Variants in RANBP2 observed in about 807,000 individuals in gnomAD.
RANBP2 encodes the protein E3 SUMO-protein ligase RanBP2.
In RANBP2, 57 loss-of-function variants were observed where a neutral mutation model predicts 303.6. The observed-to-expected ratio is 0.19, with a 90% CI of 0.15 to 0.23. RANBP2 has a LOEUF of 0.23. RANBP2 is among the 10% of genes least tolerant of loss of function. The pLI is 1.00. For missense variants in RANBP2, 3,138 were observed against 3,780.8 expected, an observed-to-expected ratio of 0.83 and a Z score of 4.46; for synonymous variants, 1,167 against 1,301.5, an observed-to-expected ratio of 0.90 and a Z score of 2.23.
the RANBP2 span, among the ~76,000 whole-genome samples, chr2:109,364,419 T>C: frequency 7.9e-5 from 12 of 152,238 alleles, no homozygotes; most frequent in Non-Finnish European, 1.6e-4. Context: ...TGAATCATAG[T>C]TGTTTTGTAT....
At chr2:109,296,924 C>T in the RANBP2 span, among the ~76,000 whole-genome samples, 1 of 152,068 alleles carries the variant, frequency 6.6e-6, no homozygotes, top group African/African-American at 2.4e-5. Flanking sequence ...GATTGGGCTG[C>T]AGTGTGGATT....
At chr2:109,261,509 C>CT in the RANBP2 span, among the ~76,000 whole-genome samples, 7 of 152,136 alleles carry the variant, frequency 4.6e-5, no homozygotes, top group Non-Finnish European at 8.8e-5. Context: ...AGCCTCCCAC[C>CT]TGTGTGTGCA....
chr2:108,772,359 G>T (rs1450261181), intron 21 of RANBP2, 130 bp from the exon 22 acceptor site: 2 of 675,598 alleles, frequency 3.0e-6, no homozygotes, highest in African/African-American at 3.6e-5. Context: ...AGAAAGAGAG[G>T]TATTAAAGAT....
Position 108,767,409 on chromosome 2 carries a change from A to C in RANBP2, c.6870A>C (p.Ser2290=). ...CCAAGTTGAATCAGAGTGGGACTTC[A>C]GTTGGCACTGATGAAGAATCTGATG... ...SPAKLNQSGT[S]VGTDEESDVT... is the part of the protein sequence containing the mutation. Residue 2290 remains serine, a synonymous_variant, in exon 20 of 29, where the codon TCA becomes TCC. Transcript: ENST00000283195. The C allele has an allele frequency of 6.2e-7, 1 of 1,612,004 alleles. No individual in the cohort carries two copies. Among genetic ancestry groups the C allele is most frequent in the Non-Finnish European group, 8.5e-7 (1 of 1,179,854 alleles).
the RANBP2 span, among the ~76,000 whole-genome samples, chr2:109,554,061 T>G: frequency 1.3e-5 from 2 of 152,246 alleles, no homozygotes; most frequent in South Asian, 2.1e-4. Context: ...AAATAAAGAC[T>G]CAAAACCCTT....
At chr2:109,202,783 T>C in the RANBP2 span, among the ~76,000 whole-genome samples, 1 of 152,174 alleles carries the variant, frequency 6.6e-6, no homozygotes, top group Non-Finnish European at 1.5e-5. Flanking sequence ...CTTAGGATCA[T>C]ACACACATTT....
At chr2:108,725,925 C>G (rs564470732) in intron 1 of RANBP2, among the ~76,000 whole-genome samples, 5 of 152,062 alleles carry the variant, frequency 3.3e-5, no homozygotes, top group Non-Finnish European at 7.3e-5. Context: ...AGTCTCTCAC[C>G]TCCTTGTTTA....
chr2:109,218,327 C>A, the RANBP2 span, among the ~76,000 whole-genome samples: 1 of 152,176 alleles, frequency 6.6e-6, no homozygotes, highest in Non-Finnish European at 1.5e-5. Flanking sequence ...GTGTGGATTT[C>A]TTCTACTTCA....
chr2:108,872,737 C>T, the RANBP2 span, among the ~76,000 whole-genome samples: 3,033 of 152,242 alleles, frequency 0.02, 100 homozygotes, highest in African/African-American at 0.07. Flanking sequence ...TAAAGGTCCC[C>T]ACTCTTAATA....
chr2:109,096,286 T>A, the RANBP2 span, among the ~76,000 whole-genome samples: 1 of 152,342 alleles, frequency 6.6e-6, no homozygotes, highest in African/African-American at 2.4e-5. Flanking sequence ...TGGGTTATAT[T>A]CATATAAATA....
the RANBP2 span, among the ~76,000 whole-genome samples, chr2:109,501,306 C>G: frequency 6.6e-6 from 1 of 151,868 alleles, no homozygotes; most frequent in Non-Finnish European, 1.5e-5. Flanking sequence ...GGGGGAAATG[C>G]CTTTTAAATT....
chr2:109,001,381 A>AAC, the RANBP2 span, among the ~76,000 whole-genome samples: 1 of 152,218 alleles, frequency 6.6e-6, no homozygotes, highest in African/African-American at 2.4e-5. Context: ...GGCAGCTTTC[A>AAC]CACAAGAACA....
At chr2:109,093,496 T>C in the RANBP2 span, among the ~76,000 whole-genome samples, 1 of 151,652 alleles carries the variant, frequency 6.6e-6, no homozygotes, top group Non-Finnish European at 1.5e-5. Context: ...TATGTGTCCA[T>C]GGGTAAGTTA....
the RANBP2 span, among the ~76,000 whole-genome samples, chr2:109,444,722 A>G: frequency 6.6e-6 from 1 of 152,180 alleles, no homozygotes; most frequent in Admixed American, 6.5e-5. Flanking sequence ...AGCACTAACA[A>G]CAGAACTGCC....
At chr2:109,355,306 A>G in the RANBP2 span, among the ~76,000 whole-genome samples, 1 of 152,170 alleles carries the variant, frequency 6.6e-6, no homozygotes, top group African/African-American at 2.4e-5. Flanking sequence ...TGGCCCAGGA[A>G]CTTGTCTGCT....
At chr2:109,050,253 T>C in the RANBP2 span, among the ~76,000 whole-genome samples, 1 of 152,038 alleles carries the variant, frequency 6.6e-6, no homozygotes, top group Non-Finnish European at 1.5e-5. Flanking sequence ...TTTACCTGTT[T>C]CTTTTTACTT....
chr2:109,436,610 G>A, the RANBP2 span, among the ~76,000 whole-genome samples: 1 of 152,322 alleles, frequency 6.6e-6, no homozygotes, highest in Middle Eastern at 3.4e-3. Context: ...ACAAATTAAG[G>A]CAGTAGCTGT....
At chr2:109,469,053 CAGGCA>C in the RANBP2 span, among the ~76,000 whole-genome samples, 1 of 151,704 alleles carries the variant, frequency 6.6e-6, no homozygotes, top group Admixed American at 6.6e-5. Context: ...GGAGCAGGGC[CAGGCA>C]TGTAAGCTGA....
At chr2:109,630,595 G>A in the RANBP2 span, among the ~76,000 whole-genome samples, 1 of 152,156 alleles carries the variant, frequency 6.6e-6, no homozygotes, top group East Asian at 1.9e-4. Context: ...GTGTAGCGCG[G>A]CATGCCTCCT....
Sources: allele counts gnomAD v4.1 joint callset (sites outside exome capture counted in the v4.1 genomes callset), GRCh38; gene constraint gnomAD v4.1.1; transcripts MANE v1.5; gene names NCBI Gene and HGNC (gene_info 2026-07-23, HGNC 2026-07-21).